The following PLA2G4C variants were observed in gnomAD, a reference collection of about 807,000 sequenced individuals.
The protein encoded by PLA2G4C is phospholipase A2 group IVC, also known as cytosolic phospholipase A2 gamma.
PLA2G4C carries 64 observed loss-of-function variants against 73.8 expected under a neutral mutation model. The ratio of observed to expected loss-of-function variants is 0.87; its 90% CI spans 0.71 to 1.07. The LOEUF is 1.07. Ranked by LOEUF, PLA2G4C falls within the 50% of genes least tolerant of loss-of-function variation. The pLI is 0.00. For synonymous variants in PLA2G4C, 254 were observed against 252.1 expected (o/e 1.01, Z -0.07); for missense variants, 622 against 665.4 (o/e 0.93, Z 0.72).
intron 14 of PLA2G4C, among the ~76,000 whole-genome samples, chr19:48,055,925 T>C (rs1736818865): frequency 6.6e-6 from 1 of 152,084 alleles, no homozygotes; most frequent in African/African-American, 2.4e-5. Context: ...CGCCCGGCCG[T>C]AAAGGTACTT....
At chr19:48,059,671 T>G (rs1201045324) in intron 14 of PLA2G4C, among the ~76,000 whole-genome samples, 1 of 152,178 alleles carries the variant, frequency 6.6e-6, no homozygotes, top group Non-Finnish European at 1.5e-5. Context: ...TCCAGGTTTT[T>G]TGGCCTTTGG....
At chr19:48,082,496 C>CTTTTTTTTTTTTTTTTTTTTTTTTTT (rs66641645) in intron 10 of PLA2G4C, among the ~76,000 whole-genome samples, 1 of 106,280 alleles carries the variant, frequency 9.4e-6, no homozygotes, top group East Asian at 2.8e-4. Context: ...TTCTTTCTTT[C>CTTTTTTTTTTTTTTTTTTTTTTTTTT]TTTTTTTTTT....
Position 48,057,480 on chromosome 19 carries a change from CTTCTTTTTTTTTTTT to C in PLA2G4C, c.1258-2446_1258-2432del, listed in dbSNP as rs1398377433. Reference sequence around the variant, plus strand: ...GTTTCTTCTTCTTCTTCTTCTTCTTCTTCTTTTTTTTTTTTTTTTTTTTTTTTTTGACAGAGTCTC... The same window carrying C: ...GTTTCTTCTTCTTCTTCTTCTTCTTCTTTTTTTTTTTTTTGACAGAGTCTC... On this transcript the variant is annotated intron_variant, in intron 14 of 16. Coordinates refer to ENST00000599921, the MANE Select transcript of PLA2G4C (RefSeq NM_003706.3). Among the ~76,000 whole-genome samples the C allele has an allele frequency of 3.9e-4, 11 of 28,086 alleles. 2 individuals are homozygous for C. The South Asian group carries it at 0.026, about 66-fold the overall frequency. The allele number at this position is 28,086 out of a possible 152,430, so 18.4% of individuals were successfully genotyped here. A position where few individuals can be genotyped will look rare whatever the true frequency, so the allele number is the denominator to read the frequency against.
chr19:48,096,415 C>A (rs1342686376), intron 6 of PLA2G4C, among the ~76,000 whole-genome samples: 1 of 151,280 alleles, frequency 6.6e-6, no homozygotes, highest in Non-Finnish European at 1.5e-5. Flanking sequence ...ACACCCCATC[C>A]CTACTAAAAA....
At chr19:48,055,933 C>T (rs771971697) in intron 14 of PLA2G4C, among the ~76,000 whole-genome samples, 15 of 152,068 alleles carry the variant, frequency 9.9e-5, no homozygotes, top group Non-Finnish European at 2.1e-4. Context: ...CGTAAAGGTA[C>T]TTTTCAATTG....
chr19:48,101,126 ATTTTTT>A (rs544287174), intron 4 of PLA2G4C, among the ~76,000 whole-genome samples: 2 of 74,130 alleles, frequency 2.7e-5, no homozygotes, highest in African/African-American at 1.3e-4. Flanking sequence ...ATATATATAT[ATTTTTT>A]TTTTTTTTTT....
intron 4 of PLA2G4C, among the ~76,000 whole-genome samples, chr19:48,100,188 T>A (rs559297459): frequency 2.0e-5 from 3 of 152,120 alleles, no homozygotes; most frequent in East Asian, 3.9e-4. Flanking sequence ...CTGTCTTTAG[T>A]CTTTTATACC....
rs2030310769 is a variant in PLA2G4C, at chr19:48,078,370, C to T, written c.845-546G>A. Among the ~76,000 whole-genome samples, 4 of 152,062 alleles carry T rather than the reference C, an allele frequency of 2.6e-5. No homozygotes were observed. In the South Asian group the frequency reaches 8.3e-4, roughly 31 times the overall value. On this transcript the variant is annotated intron_variant, in intron 10 of 16. Coordinates refer to ENST00000599921, the MANE Select transcript of PLA2G4C (RefSeq NM_003706.3). ...TAGTACTGGAAGTCCTAGCCACAGCCATCAGACAAGAGAAAGAAATGAAGG... is the reference window on the plus strand; with the variant it reads ...TAGTACTGGAAGTCCTAGCCACAGCTATCAGACAAGAGAAAGAAATGAAGG...
At chr19:48,094,839 G>A (rs2031484815) in intron 7 of PLA2G4C, among the ~76,000 whole-genome samples, 1 of 152,104 alleles carries the variant, frequency 6.6e-6, no homozygotes, top group African/African-American at 2.4e-5. Flanking sequence ...TATGCCCCTT[G>A]CTTTGCTGGT....
intron 7 of PLA2G4C, among the ~76,000 whole-genome samples, chr19:48,094,926 C>A (rs2031490595): frequency 6.6e-6 from 1 of 152,084 alleles, no homozygotes; most frequent in African/African-American, 2.4e-5. Flanking sequence ...TCTCTGTCAT[C>A]CAGGCTGGAG....
At chr19:48,075,507 A>G (rs570651516) in intron 11 of PLA2G4C, among the ~76,000 whole-genome samples, 22 of 151,594 alleles carry the variant, frequency 1.5e-4, no homozygotes, top group Non-Finnish European at 2.8e-4. Context: ...ATTTTTATCC[A>G]CACTCATGAA....
At chr19:48,101,126 A>ATAT (rs1491313107) in intron 4 of PLA2G4C, among the ~76,000 whole-genome samples, 5 of 74,154 alleles carry the variant, frequency 6.7e-5, no homozygotes, top group African/African-American at 3.2e-4. Flanking sequence ...ATATATATAT[A>ATAT]TTTTTTTTTT....
chr19:48,083,650 T>C (rs2122595452), intron 10 of PLA2G4C, among the ~76,000 whole-genome samples: 1 of 152,058 alleles, frequency 6.6e-6, no homozygotes, highest in South Asian at 2.1e-4. Flanking sequence ...TTTCTCCACG[T>C]TGGTCAGGCT....
rs11564543 is a variant in PLA2G4C, at chr19:48,094,307, T to G, written c.709+1157A>C. 3.9e-4 allele frequency among the ~76,000 whole-genome samples: 59 copies of G among 152,342 alleles called. 1 individual carries two copies. In the East Asian group the frequency reaches 9.8e-3, roughly 25 times the overall value. On this transcript the variant is annotated intron_variant, in intron 7 of 16. Transcript: ENST00000599921. Reference sequence around the variant, plus strand: ...CTGACATTATAATACATACTTATTTTTGTGTGTGTTCATTCATCATCTCCT... The same window carrying G: ...CTGACATTATAATACATACTTATTTGTGTGTGTGTTCATTCATCATCTCCT...
At chr19:48,065,476 C>T (rs970542205) in intron 13 of PLA2G4C, among the ~76,000 whole-genome samples, 43 of 151,764 alleles carry the variant, frequency 2.8e-4, no homozygotes, top group African/African-American at 1.0e-3. Flanking sequence ...ATCAGTTGAG[C>T]ATGGTGACAT....
intron 6 of PLA2G4C, 134 bp from the exon 7 acceptor site, chr19:48,095,738 C>A: frequency 1.1e-6 from 1 of 921,480 alleles, no homozygotes; most frequent in Non-Finnish European, 1.7e-6. Context: ...TGTGTGGTAT[C>A]AGAAACCACT....
At chr19:48,049,800 G>C (rs1416254105) in intron 16 of PLA2G4C, among the ~76,000 whole-genome samples, 1 of 152,084 alleles carries the variant, frequency 6.6e-6, no homozygotes, top group Non-Finnish European at 1.5e-5. Flanking sequence ...ACACAGGGAG[G>C]CACCATCTGC....
At chr19:48,095,268 C>A (rs980611309) in intron 7 of PLA2G4C, among the ~76,000 whole-genome samples, 196 bp downstream of exon 7, 1 of 152,086 alleles carries the variant, frequency 6.6e-6, no homozygotes, top group Admixed American at 6.6e-5. Flanking sequence ...AGGTATCTGC[C>A]GCATTAAGGA....
intron 4 of PLA2G4C, among the ~76,000 whole-genome samples, chr19:48,100,685 G>A (rs1018766054): frequency 1.2e-4 from 18 of 148,778 alleles, no homozygotes; most frequent in East Asian, 6.2e-4. Flanking sequence ...CAAGGTGTGC[G>A]GATCACGAGG....
Sources: gnomAD v4.1 joint callset for allele counts (sites outside exome capture counted in the v4.1 genomes callset) on GRCh38, gnomAD v4.1.1 for gene constraint, MANE v1.5 for transcripts, NCBI Gene and HGNC (gene_info 2026-07-23, HGNC 2026-07-21) for gene names.